Variants in DAAM1 observed in about 807,000 individuals in gnomAD.
The protein encoded by DAAM1 is disheveled-associated activator of morphogenesis 1.
DAAM1 carries 52 observed loss-of-function variants against 130.0 expected under a neutral mutation model. The observed-to-expected ratio is 0.40, with a 90% CI of 0.32 to 0.50. The LOEUF (loss-of-function observed/expected upper bound fraction) is 0.50, where lower values mean the gene tolerates loss of function less well. DAAM1 is among the 20% of genes least tolerant of loss of function. The pLI is 0.61. For missense variants in DAAM1, 1,134 were observed against 1,303.8 expected (o/e 0.87, Z 2.01); for synonymous variants, 452 against 444.5 (o/e 1.02, Z -0.21).
intron 1 of DAAM1, among the ~76,000 whole-genome samples, chr14:59,227,710 T>G (rs947004738): frequency 1.3e-5 from 2 of 152,172 alleles, no homozygotes; most frequent in Non-Finnish European, 2.9e-5. Flanking sequence ...GTTCACATTG[T>G]AAGCCCTTTC....
Position 59,368,636 on chromosome 14 carries a change from C to A in DAAM1, c.2998-14C>A, listed in dbSNP as rs968054622. The A allele has an allele frequency of 6.2e-7, 1 of 1,606,624 alleles. No homozygotes were observed. On this transcript the variant is annotated splice_polypyrimidine_tract_variant and intron_variant, in intron 24 of 24. Coordinates refer to ENST00000360909, the MANE Select transcript of DAAM1 (RefSeq NM_001270520.2). ...TTGACATGTCTCAAAGAGGTTATTT[C>A]TTTCTATTTGCAGCTCAAAGAACAA... is the stretch of plus-strand genomic sequence containing the variant.
intron 1 of DAAM1, among the ~76,000 whole-genome samples, chr14:59,189,511 C>T (rs1203134951): frequency 1.3e-5 from 2 of 152,084 alleles, no homozygotes; most frequent in Admixed American, 6.5e-5. Context: ...GAGGGCGCAT[C>T]TCAGTCTCCA....
chr14:59,246,434 C>T (rs1407217054), intron 1 of DAAM1, among the ~76,000 whole-genome samples: 1 of 152,142 alleles, frequency 6.6e-6, no homozygotes, highest in African/African-American at 2.4e-5. Context: ...GTATATACCA[C>T]ATTTTATTTA....
intron 20 of DAAM1, among the ~76,000 whole-genome samples, chr14:59,358,743 T>C (rs1217836791): frequency 6.6e-6 from 1 of 151,484 alleles, no homozygotes; most frequent in Admixed American, 6.6e-5. Flanking sequence ...CTCGGGAGGC[T>C]GAGGCAGGAT....
At chr14:59,345,012 T>C (rs1024620181) in intron 16 of DAAM1, among the ~76,000 whole-genome samples, 1 of 152,124 alleles carries the variant, frequency 6.6e-6, no homozygotes, top group African/African-American at 2.4e-5. Flanking sequence ...CACAGCCAGT[T>C]GGTTTTCATT....
At chr14:59,347,170 C>T (rs965727727) in intron 16 of DAAM1, among the ~76,000 whole-genome samples, 6 of 152,164 alleles carry the variant, frequency 3.9e-5, no homozygotes, top group Admixed American at 6.5e-5. Context: ...ACACTCCTGA[C>T]GTATAAACAG....
intron 1 of DAAM1, among the ~76,000 whole-genome samples, chr14:59,242,532 C>T (rs568147204): frequency 1.3e-5 from 2 of 152,132 alleles, no homozygotes; most frequent in Non-Finnish European, 2.9e-5. Flanking sequence ...TTTATTTAAT[C>T]TGAACAAAAA....
At chr14:59,362,041 G>A (rs2139685273) in intron 22 of DAAM1, among the ~76,000 whole-genome samples, 1 of 139,044 alleles carries the variant, frequency 7.2e-6, no homozygotes, top group Admixed American at 7.2e-5. Context: ...TTTTAATGTA[G>A]GGAGTAGGGG....
chr14:59,280,711 A>G (rs1394620610), intron 2 of DAAM1, among the ~76,000 whole-genome samples: 1 of 151,870 alleles, frequency 6.6e-6, no homozygotes, highest in Non-Finnish European at 1.5e-5. Flanking sequence ...CAGAGGAGCT[A>G]CTCATCCCCA....
intron 16 of DAAM1, among the ~76,000 whole-genome samples, chr14:59,345,343 G>T (rs1382625250): frequency 6.6e-6 from 1 of 152,154 alleles, no homozygotes. Context: ...ACGGCGTAGG[G>T]GTTATAATGG....
chr14:59,353,809 A>G lies in DAAM1; in HGVS notation c.2268-67A>G, dbSNP rs888775151. On this transcript the variant is annotated intron_variant, in intron 18 of 24. Transcript: ENST00000360909. ...GGTGCTTCTAGGTACCTCCACCTCCATATCTGTTATTAAGTGAACCTAGAT... is the reference window on the plus strand; with the variant it reads ...GGTGCTTCTAGGTACCTCCACCTCCGTATCTGTTATTAAGTGAACCTAGAT... 38 of 1,492,324 alleles carry G rather than the reference A, an allele frequency of 2.5e-5. No homozygotes were observed. In the Middle Eastern group the frequency reaches 1.2e-3, roughly 47 times the overall value. The allele number at this position is 1,492,324 out of a possible 1,614,324, so 92.4% of individuals were successfully genotyped here.
intron 2 of DAAM1, among the ~76,000 whole-genome samples, chr14:59,289,784 A>ATATATATATATACACACATATATAT: frequency 7.8e-6 from 1 of 128,714 alleles, no homozygotes; most frequent in African/African-American, 2.9e-5. Flanking sequence ...ATATATATAT[A>ATATATATATATACACACATATATAT]ATGGAATGCT....
intron 5 of DAAM1, 21 bp downstream of exon 5, chr14:59,320,605 A>ATCT: frequency 6.7e-7 from 1 of 1,494,898 alleles, no homozygotes. Context: ...CCTGGATGGC[A>ATCT]TGTTTTTTTT....
At chr14:59,275,908 T>C (rs1882944119) in intron 2 of DAAM1, among the ~76,000 whole-genome samples, 1 of 152,212 alleles carries the variant, frequency 6.6e-6, no homozygotes, top group South Asian at 2.1e-4. Context: ...GTATTTCATG[T>C]AATGACTAAG....
chr14:59,229,340 C>G (rs958464363), intron 1 of DAAM1, among the ~76,000 whole-genome samples: 1 of 152,180 alleles, frequency 6.6e-6, no homozygotes, highest in African/African-American at 2.4e-5. Flanking sequence ...GTAACTTCAT[C>G]GTGCAAGGAT....
rs889525314 is a variant in DAAM1 at position 59,371,141 on chromosome 14, G to A, written c.*2282G>A. The A allele has an allele frequency of 6.6e-6, 1 of 150,994 alleles. No individual in the cohort carries two copies. Among genetic ancestry groups the A allele is most frequent in the Admixed American group, 6.6e-5 (1 of 15,164 alleles). The allele number at this position is 150,994 out of a possible 1,614,324, so 9.4% of individuals were successfully genotyped here. ...AAAACCTACTTTTTAGATTGGTGCT[G>A]GTGTAAGTAGCCACTTTTCTCTCTT... On this transcript the variant is annotated 3_prime_UTR_variant, in exon 25 of 25. Transcript: ENST00000360909.
chr14:59,283,987 C>T (rs752895211), intron 2 of DAAM1, among the ~76,000 whole-genome samples: 6 of 152,184 alleles, frequency 3.9e-5, no homozygotes, highest in Non-Finnish European at 7.4e-5. Flanking sequence ...GGTCTTAGGA[C>T]CAGCAGCAAC....
intron 1 of DAAM1, among the ~76,000 whole-genome samples, chr14:59,236,169 T>C (rs936993352): frequency 2.6e-5 from 4 of 152,142 alleles, no homozygotes; most frequent in Admixed American, 1.3e-4. Context: ...AATAGTGTTC[T>C]TTCCTGAGCT....
rs1460322683 is a variant in DAAM1 at position 59,347,757 on chromosome 14, A to T, written c.2160+134A>T. ...ATTGAGGAGGCTGAACCAAGTTCCC[A>T]TGTGACTCTGTTAGGAAACTTAATG... On this transcript the variant is annotated intron_variant, in intron 17 of 24. Coordinates refer to ENST00000360909, the MANE Select transcript of DAAM1 (RefSeq NM_001270520.2). The T allele has an allele frequency of 2.3e-3, 1,790 of 777,288 alleles. 17 individuals carry two copies. The African/African-American group carries it at 0.028, about 12-fold the overall frequency. The allele number at this position is 777,288 out of a possible 1,614,324, so 48.1% of individuals were successfully genotyped here.
Sources: gnomAD v4.1 joint callset for allele counts (sites outside exome capture counted in the v4.1 genomes callset) on GRCh38, gnomAD v4.1.1 for gene constraint, MANE v1.5 for transcripts, NCBI Gene and HGNC (gene_info 2026-07-23, HGNC 2026-07-21) for gene names.